ADAMTS7: variants seen among roughly 807,000 people sequenced by gnomAD.
ADAMTS7 encodes ADAM metallopeptidase with thrombospondin type 1 motif 7.
Under a neutral mutation model 172.6 loss-of-function variants are expected in ADAMTS7, and 89 were observed. That is an observed-to-expected ratio of 0.52 (90% CI 0.43 to 0.61). The LOEUF is 0.61. ADAMTS7 is among the 20% of genes least tolerant of loss of function. ADAMTS7 has a pLI of 0.00. For synonymous variants in ADAMTS7, 885 were observed against 978.4 expected (o/e 0.90, Z 1.78); for missense variants, 1,973 against 2,355.6 (o/e 0.84, Z 3.36).
chr15:78,810,858 G>A lies in ADAMTS7; in HGVS notation c.100+263C>T, dbSNP rs141039960. On this transcript the variant is annotated intron_variant, in intron 1 of 23. Coordinates refer to ENST00000388820, the MANE Select transcript of ADAMTS7 (RefSeq NM_014272.5). ...AGGTGGGGAAACCGGAGCCCGAAGA[G>A]CGGAAGGGGCTTATTCCAGGCGACA... is the stretch of plus-strand genomic sequence containing the variant. 5.1e-3 allele frequency: 1,732 copies of A among 342,096 alleles called. 39 individuals carry two copies. Among genetic ancestry groups the A allele is most frequent in the African/African-American group, 0.034 (1,613 of 47,108 alleles). The allele number at this position is 342,096 out of a possible 1,614,324, so 21.2% of individuals were successfully genotyped here.
intron 13 of ADAMTS7, 136 bp downstream of exon 13, chr15:78,774,020 CGAGGAGGACCA>C: frequency 7.7e-7 from 1 of 1,302,762 alleles, no homozygotes; most frequent in East Asian, 2.5e-5. Context: ...GAGGGTGGCC[CGAGGAGGACCA>C]GGAGGGACCC....
chr15:78,762,863 C>T (rs985143839), intron 22 of ADAMTS7, among the ~76,000 whole-genome samples: 1 of 152,228 alleles, frequency 6.6e-6, no homozygotes, highest in Admixed American at 6.5e-5. Flanking sequence ...CCTGAGAAGC[C>T]TGGGCAGGGG....
rs374356617 is a variant in ADAMTS7 at position 78,766,275 on chromosome 15, G to A, written c.3636C>T (p.Asp1212=). ...CATCCTTGAAAACCTCATTGGTCCT[G>A]TCCCGCCATGGAGGGGGCAGCTGGC... ...SQSQLPPPWR[D]RTNEVFKDDE... is the part of the protein sequence containing the mutation. The change falls in exon 19 of 24, where the codon GAC becomes GAT. Residue 1212 remains aspartate, a synonymous_variant. Coordinates refer to ENST00000388820, the MANE Select transcript of ADAMTS7 (RefSeq NM_014272.5). The A allele has an allele frequency of 7.4e-6, 12 of 1,611,704 alleles. No homozygotes were observed. The African/African-American group carries it at 1.5e-4, about 20-fold the overall frequency.
chr15:78,811,267 T>C lies in ADAMTS7; in HGVS notation c.-47A>G, dbSNP rs1488068639. 1 of 1,220,872 alleles carries C rather than the reference T, an allele frequency of 8.2e-7. No homozygotes were observed. The highest frequency in any genetic ancestry group is 1.0e-6 in the Non-Finnish European group (1 of 980,996). 75.6% of individuals were successfully genotyped at this position (1,220,872 alleles called of 1,614,324 possible). A position where few individuals can be genotyped will look rare whatever the true frequency, so the allele number is the denominator to read the frequency against. On this transcript the variant is annotated 5_prime_UTR_variant, in exon 1 of 24. Coordinates refer to ENST00000388820, the MANE Select transcript of ADAMTS7 (RefSeq NM_014272.5). The stretch of plus-strand genomic sequence containing the variant: ...GGGTGACCCCGCGCGCACGCTCTCG[T>C]CCGTCCCGTCCGGTCGCTGCCTGGT...
intron 8 of ADAMTS7, among the ~76,000 whole-genome samples, chr15:78,778,326 G>C (rs1419681313): frequency 6.6e-6 from 1 of 152,250 alleles, no homozygotes; most frequent in Non-Finnish European, 1.5e-5. Flanking sequence ...TGGAAGCAGG[G>C]ACCCTGGGGA....
intron 11 of ADAMTS7, among the ~76,000 whole-genome samples, chr15:78,775,088 A>T (rs2055321188): frequency 6.6e-6 from 1 of 152,116 alleles, no homozygotes; most frequent in Non-Finnish European, 1.5e-5. Flanking sequence ...CTCATGTATA[A>T]AGTGGGGTTG....
chr15:78,776,516 G>C (rs149836673), intron 10 of ADAMTS7, 183 bp from the exon 11 acceptor site: 72 of 970,956 alleles, frequency 7.4e-5, no homozygotes, highest in Non-Finnish European at 1.0e-4. Context: ...GGAGCTGAGC[G>C]GGGAGTAAAA....
intron 2 of ADAMTS7, 60 bp from the exon 3 acceptor site, chr15:78,798,173 C>A (rs1347741524): frequency 6.8e-7 from 1 of 1,476,306 alleles, no homozygotes; most frequent in Non-Finnish European, 9.0e-7. Context: ...TCTTCTTGCA[C>A]GTCCCAGAGG....
intron 1 of ADAMTS7, among the ~76,000 whole-genome samples, chr15:78,809,368 G>A (rs1170841014): frequency 6.6e-6 from 1 of 152,230 alleles, no homozygotes. Context: ...TCCTGAGGGA[G>A]TGCAGAACAG....
chr15:78,778,650 G>C (rs750430656), intron 8 of ADAMTS7, among the ~76,000 whole-genome samples: 1 of 152,184 alleles, frequency 6.6e-6, no homozygotes, highest in Non-Finnish European at 1.5e-5. Flanking sequence ...AAACAATGGA[G>C]GGAGGCAGGA....
At chr15:78,777,376 G>A in intron 9 of ADAMTS7, 68 bp downstream of exon 9, 1 of 1,547,700 alleles carries the variant, frequency 6.5e-7, no homozygotes, top group Non-Finnish European at 8.7e-7. Context: ...CCACGGGCTG[G>A]TGAGAGCTGC....
At position 78,771,373 on chromosome 15, in the gene ADAMTS7, C is replaced by T. The variant is rs3825817; in HGVS notation, c.2377-70G>A. The T allele has an allele frequency of 1.9e-6, 3 of 1,606,206 alleles. No individual in the cohort carries two copies. Among genetic ancestry groups the T allele is most frequent in the Admixed American group, 3.4e-5 (2 of 59,468 alleles). ...ATCCACCCAGTCCTAAAGGAGCTGA[C>T]CCCAGCCACCTCTGTGAACTGCAGC... On this transcript the variant is annotated intron_variant, in intron 15 of 23. Coordinates refer to ENST00000388820, the MANE Select transcript of ADAMTS7 (RefSeq NM_014272.5). This position sits in a 1 kb window ranked among gnomAD's most constrained non-coding sequence, Gnocchi z 4.9.
intron 1 of ADAMTS7, 62 bp downstream of exon 1, chr15:78,811,059 C>T (rs1362689648): frequency 1.6e-6 from 2 of 1,225,528 alleles, no homozygotes; most frequent in Admixed American, 4.2e-5. Context: ...GGGACAAAAC[C>T]GAGACTGGGG....
chr15:78,768,802 A>G (rs2055201353), intron 16 of ADAMTS7, among the ~76,000 whole-genome samples: 1 of 152,082 alleles, frequency 6.6e-6, no homozygotes, highest in African/African-American at 2.4e-5. Flanking sequence ...ACATCCAGGG[A>G]CCCAAAGAGG....
intron 20 of ADAMTS7, 59 bp downstream of exon 20, chr15:78,764,496 G>A (rs1596171427): frequency 1.3e-6 from 2 of 1,504,968 alleles, no homozygotes; most frequent in Non-Finnish European, 8.8e-7. Context: ...CAGGCCGTGG[G>A]GAACCAGGGC....
rs117851816 is a variant in ADAMTS7 at position 78,777,663 on chromosome 15, C to G, written c.1323-75G>C. The G allele has an allele frequency of 8.6e-3, 13,156 of 1,536,992 alleles. 469 individuals are homozygous for G. The East Asian group carries it at 0.14, about 16-fold the overall frequency. Reference sequence around the variant, plus strand: ...CGGAGAAGCCTTGGTGGGGCCGGGACAGGAGGAGAGGTGGGAGGGGGCACA... The same window carrying G: ...CGGAGAAGCCTTGGTGGGGCCGGGAGAGGAGGAGAGGTGGGAGGGGGCACA... On this transcript the variant is annotated intron_variant, in intron 8 of 23. Coordinates refer to ENST00000388820, the MANE Select transcript of ADAMTS7 (RefSeq NM_014272.5).
At chr15:78,789,913 G>T (rs1394255890) in intron 6 of ADAMTS7, 75 bp from the exon 7 acceptor site, 6 of 1,506,968 alleles carry the variant, frequency 4.0e-6, no homozygotes, top group Non-Finnish European at 5.3e-6. Context: ...GCCAGGGAAG[G>T]GTCCCCCCGA....
chr15:78,772,773 A>G lies in ADAMTS7; in HGVS notation c.2131+310T>C, dbSNP rs187600093. The stretch of plus-strand genomic sequence containing the variant: ...TGTGCAAAACAGACCGGAGGTGAGG[A>G]CACGGAGCTGGGGTCTCAGAAGCTT... On this transcript the variant is annotated intron_variant, in intron 14 of 23. Coordinates refer to ENST00000388820, the MANE Select transcript of ADAMTS7 (RefSeq NM_014272.5). 4.5e-3 allele frequency among the ~76,000 whole-genome samples: 679 copies of G among 152,334 alleles called. 6 individuals are homozygous for G. The highest frequency in any genetic ancestry group is 0.016 in the African/African-American group (648 of 41,574).
At chr15:78,797,748 TG>T (rs1444426631) in intron 3 of ADAMTS7, among the ~76,000 whole-genome samples, 199 bp downstream of exon 3, 1 of 152,134 alleles carries the variant, frequency 6.6e-6, no homozygotes, top group Non-Finnish European at 1.5e-5. Flanking sequence ...GGGGATTGAC[TG>T]GGGCAGGCCC....
Sources: allele counts gnomAD v4.1 joint callset (sites outside exome capture counted in the v4.1 genomes callset), GRCh38; gene constraint gnomAD v4.1.1; non-coding constraint Gnocchi (gnomAD v3.1); transcripts MANE v1.5; gene names NCBI Gene and HGNC (gene_info 2026-07-23, HGNC 2026-07-21).